CAMK2B: variants seen among roughly 807,000 people sequenced by gnomAD.
CAMK2B encodes the protein calcium/calmodulin-dependent protein kinase type II subunit beta.
CAMK2B carries 27 observed loss-of-function variants against 93.7 expected under a neutral mutation model. The ratio of observed to expected loss-of-function variants is 0.29; its 90% CI spans 0.21 to 0.40. CAMK2B has a LOEUF of 0.40. Ranked by LOEUF, CAMK2B falls within the 10% of genes least tolerant of loss-of-function variation. The pLI, the probability that CAMK2B is intolerant of heterozygous loss-of-function variation, is 1.00. For missense variants in CAMK2B, 568 were observed against 895.8 expected, an observed-to-expected ratio of 0.63 and a Z score of 4.67; for synonymous variants, 374 against 358.8, an observed-to-expected ratio of 1.04 and a Z score of -0.48.
chr7:44,280,439 G>A (rs1162423236), intron 2 of CAMK2B, among the ~76,000 whole-genome samples: 1 of 152,236 alleles, frequency 6.6e-6, no homozygotes, highest in Admixed American at 6.5e-5. Context: ...TGTGGGTCTA[G>A]GTGGACAAGG....
At chr7:44,226,301 CAT>C (rs1046100930) in intron 20 of CAMK2B, among the ~76,000 whole-genome samples, 1 of 152,202 alleles carries the variant, frequency 6.6e-6, no homozygotes, top group East Asian at 1.9e-4. Context: ...TTCCTATACA[CAT>C]ATGTCATACA....
rs1459461638 is a variant in CAMK2B, at chr7:44,225,437, C to T, written c.1597+1079G>A. Among the ~76,000 whole-genome samples, 3 of 152,224 alleles carry T rather than the reference C, an allele frequency of 2.0e-5. No individual in the cohort carries two copies. The highest frequency in any genetic ancestry group is 3.9e-4 in the East Asian group (2 of 5,160). On this transcript the variant is annotated intron_variant, in intron 20 of 23. Transcript: ENST00000395749. This position sits in a 1 kb window ranked among gnomAD's most constrained non-coding sequence, Gnocchi z 5.0. ...TTGAGTTCTGGTCGCCCAGGCACCCCGACCCTATCAGCATCAAGAACCTGG... is the reference window on the plus strand; with the variant it reads ...TTGAGTTCTGGTCGCCCAGGCACCCTGACCCTATCAGCATCAAGAACCTGG...
chr7:44,279,601 G>C (rs559287199), intron 2 of CAMK2B, among the ~76,000 whole-genome samples: 27 of 152,334 alleles, frequency 1.8e-4, no homozygotes, highest in African/African-American at 6.0e-4. Context: ...AACAGGCTAG[G>C]CATACAGCTT....
intron 5 of CAMK2B, among the ~76,000 whole-genome samples, chr7:44,247,646 G>A (rs536242246): frequency 1.3e-5 from 2 of 152,224 alleles, no homozygotes; most frequent in Admixed American, 1.3e-4. Flanking sequence ...GGCTGCCCTG[G>A]TGTGTGAGAA....
Position 44,271,442 on chromosome 7 carries a change from C to T in CAMK2B, c.161-8378G>A, listed in dbSNP as rs1424199211. Among the ~76,000 whole-genome samples, 1 of 152,226 alleles carries T rather than the reference C, an allele frequency of 6.6e-6. No homozygotes were observed. Among genetic ancestry groups the T allele is most frequent in the East Asian group, 1.9e-4 (1 of 5,204 alleles). On this transcript the variant is annotated intron_variant, in intron 2 of 23. Coordinates refer to ENST00000395749, the MANE Select transcript of CAMK2B (RefSeq NM_001220.5). The surrounding 1 kb of genome is among the most constrained non-coding windows in gnomAD (Gnocchi z 4.2). ...TGATAGGACATCCTGGGCCTTGACACCAGGCCAGTGGGGTCTGGTCTTTAA... is the reference window on the plus strand; with the variant it reads ...TGATAGGACATCCTGGGCCTTGACATCAGGCCAGTGGGGTCTGGTCTTTAA...
intron 19 of CAMK2B, among the ~76,000 whole-genome samples, chr7:44,227,507 G>C (rs201423443): frequency 0.01 from 12 of 1,188 alleles, no homozygotes; most frequent in South Asian, 0.017. Flanking sequence ...GGACAGAGGA[G>C]GGTGTGGGGG....
intron 7 of CAMK2B, 28 bp from the exon 8 acceptor site, chr7:44,243,361 G>A: frequency 1.9e-6 from 3 of 1,612,052 alleles, no homozygotes; most frequent in Non-Finnish European, 1.7e-6. Flanking sequence ...GGCCACAAGG[G>A]GCTGTCAGCA....
At chr7:44,276,315 G>C (rs1446664003) in intron 2 of CAMK2B, among the ~76,000 whole-genome samples, 3 of 152,146 alleles carry the variant, frequency 2.0e-5, no homozygotes, top group South Asian at 2.1e-4. Context: ...GGATTCTGCC[G>C]ACCAGGCACT....
intron 3 of CAMK2B, among the ~76,000 whole-genome samples, chr7:44,259,191 G>A (rs533531583): frequency 7.7e-4 from 118 of 152,274 alleles, no homozygotes; most frequent in African/African-American, 2.7e-3. Context: ...CTCACCCTCC[G>A]CTGCCAGTCT....
intron 2 of CAMK2B, chr7:44,266,833 G>A (rs2096925554): frequency 6.6e-6 from 1 of 152,242 alleles, no homozygotes; most frequent in South Asian, 2.1e-4. Flanking sequence ...CAGTGTCACA[G>A]AAGTCACAGA....
chr7:44,281,307 G>C (rs2097100464), intron 2 of CAMK2B, among the ~76,000 whole-genome samples: 1 of 152,228 alleles, frequency 6.6e-6, no homozygotes, highest in African/African-American at 2.4e-5. Context: ...CTTCATCCAT[G>C]ATGGGGCAGC....
At chr7:44,279,193 A>T (rs950615833) in intron 2 of CAMK2B, among the ~76,000 whole-genome samples, 5 of 152,228 alleles carry the variant, frequency 3.3e-5, no homozygotes, top group Admixed American at 6.5e-5. Context: ...ATATTTATGC[A>T]CTGAATGGTA....
Position 44,311,028 on chromosome 7 carries a change from G to A in CAMK2B, c.65+14329C>T, listed in dbSNP as rs1327819346. Among the ~76,000 whole-genome samples the A allele has an allele frequency of 4.6e-5, 7 of 152,194 alleles. No individual in the cohort carries two copies. The highest frequency in any genetic ancestry group is 8.8e-5 in the Non-Finnish European group (6 of 68,032). ...GAGGAATCATTAAGAAATAATGACA[G>A]AAACTGGTACTTGCAATGCTGTCTT... On this transcript the variant is annotated intron_variant, in intron 1 of 23. Coordinates refer to ENST00000395749, the MANE Select transcript of CAMK2B (RefSeq NM_001220.5). The surrounding 1 kb of genome is among the most constrained non-coding windows in gnomAD (Gnocchi z 4.2).
intron 3 of CAMK2B, 28 bp from the exon 4 acceptor site, chr7:44,258,954 C>T (rs755876330): frequency 1.9e-6 from 3 of 1,605,734 alleles, no homozygotes; most frequent in Non-Finnish European, 2.6e-6. Context: ...CCATGAGGGG[C>T]TGGCAATAGC....
chr7:44,255,801 A>G (rs1381711101), intron 4 of CAMK2B, among the ~76,000 whole-genome samples: 2 of 152,098 alleles, frequency 1.3e-5, no homozygotes, highest in Non-Finnish European at 2.9e-5. Flanking sequence ...AGCACTGGAG[A>G]AAAAGAAAAG....
intron 22 of CAMK2B, 108 bp from the exon 23 acceptor site, chr7:44,220,402 G>T: frequency 1.0e-6 from 1 of 959,102 alleles, no homozygotes; most frequent in South Asian, 1.6e-5. Context: ...CCCTTATTGG[G>T]GAGGCTCGGC....
At chr7:44,237,558 G>A (rs1026517681) in intron 13 of CAMK2B, among the ~76,000 whole-genome samples, 7 of 152,192 alleles carry the variant, frequency 4.6e-5, no homozygotes, top group Non-Finnish European at 5.9e-5. Flanking sequence ...GCATGGGCCC[G>A]GCCCTCCTGA....
At chr7:44,256,325 A>G (rs769260866) in intron 4 of CAMK2B, among the ~76,000 whole-genome samples, 12 of 152,158 alleles carry the variant, frequency 7.9e-5, no homozygotes, top group Non-Finnish European at 1.6e-4. Flanking sequence ...GTGTACATGT[A>G]TACTGGCTTG....
At chr7:44,238,061 G>A (rs1305468365) in intron 13 of CAMK2B, among the ~76,000 whole-genome samples, 1 of 152,250 alleles carries the variant, frequency 6.6e-6, no homozygotes, top group African/African-American at 2.4e-5. Flanking sequence ...GATGGTACTA[G>A]ACTCAGCTGC....
Sources: allele counts gnomAD v4.1 joint callset (sites outside exome capture counted in the v4.1 genomes callset), GRCh38; gene constraint gnomAD v4.1.1; non-coding constraint Gnocchi (gnomAD v3.1); transcripts MANE v1.5; gene names NCBI Gene and HGNC (gene_info 2026-07-23, HGNC 2026-07-21).